Variants in RBFOX1 observed in about 807,000 individuals in gnomAD.
RBFOX1 encodes RNA binding protein fox-1 homolog 1.
A neutral mutation model predicts 57.7 loss-of-function variants in RBFOX1; 8 were observed. The observed-to-expected ratio is 0.14, with a 90% CI of 0.08 to 0.25. The LOEUF (loss-of-function observed/expected upper bound fraction) is 0.25. RBFOX1 is among the 10% of genes least tolerant of loss of function. The pLI is 1.00. For synonymous variants in RBFOX1, 326 were observed against 222.4 expected (o/e 1.47, Z -4.15); for missense variants, 611 against 548.5 (o/e 1.11, Z -1.14).
chr16:7,651,265 G>A (rs773963660), intron 11 of RBFOX1, among the ~76,000 whole-genome samples: 88 of 152,220 alleles, frequency 5.8e-4, no homozygotes, highest in Non-Finnish European at 1.1e-3. Context: ...CACTTTGGTC[G>A]GGTTCGGGGG....
At chr16:6,228,483 A>C (rs1433516564) in intron 1 of RBFOX1, among the ~76,000 whole-genome samples, 2 of 152,132 alleles carry the variant, frequency 1.3e-5, no homozygotes, top group African/African-American at 4.8e-5. Context: ...TTCAGCCTTC[A>C]AAAAAGAAGG....
intron 2 of RBFOX1, among the ~76,000 whole-genome samples, chr16:6,559,472 T>G (rs1420129599): frequency 6.6e-6 from 1 of 152,116 alleles, no homozygotes; most frequent in Non-Finnish European, 1.5e-5. Flanking sequence ...GAGAAGAGTT[T>G]ATCCTGAACT....
At chr16:7,567,093 C>A (rs56070816) in intron 5 of RBFOX1, among the ~76,000 whole-genome samples, 29,236 of 142,872 alleles carry the variant, frequency 0.2, 2,489 homozygotes, top group South Asian at 0.31. Flanking sequence ...ATATATATAT[C>A]TCCCTATATA....
intron 4 of RBFOX1, among the ~76,000 whole-genome samples, chr16:7,111,301 A>G (rs755202627): frequency 6.6e-6 from 1 of 152,228 alleles, no homozygotes; most frequent in African/African-American, 2.4e-5. Context: ...TAGCTAATCA[A>G]TGAAGATTAA....
chr16:7,304,397 C>G, intron 4 of RBFOX1: 1 of 985,432 alleles, frequency 1.0e-6, no homozygotes, highest in Non-Finnish European at 1.2e-6. Context: ...ATGCAGCATC[C>G]TCTGACGGGG....
chr16:7,677,526 T>C (rs9930424), intron 14 of RBFOX1, among the ~76,000 whole-genome samples: 147,272 of 152,186 alleles, frequency 0.97, 71,456 homozygotes, highest in East Asian at 1. Flanking sequence ...GGGGGTGGGG[T>C]GGAAATCAGG....
intron 3 of RBFOX1, among the ~76,000 whole-genome samples, chr16:6,844,242 G>C (rs2093642342): frequency 6.6e-6 from 1 of 151,846 alleles, no homozygotes; most frequent in Admixed American, 6.6e-5. Context: ...AGGATGTACA[G>C]ATTTGTTACA....
intron 4 of RBFOX1, among the ~76,000 whole-genome samples, chr16:7,399,314 G>A (rs2098197124): frequency 6.6e-6 from 1 of 151,998 alleles, no homozygotes; most frequent in Non-Finnish European, 1.5e-5. Context: ...AAGTGCGATG[G>A]CGCATGCCTG....
intron 4 of RBFOX1, among the ~76,000 whole-genome samples, chr16:7,156,259 T>C (rs2077105344): frequency 7.0e-6 from 1 of 142,460 alleles, no homozygotes; most frequent in African/African-American, 2.8e-5. Flanking sequence ...TATACATATG[T>C]ATGTGTACAT....
At position 7,052,214 on chromosome 16, in the gene RBFOX1, G is replaced by A. The variant is rs989972079; in HGVS notation, c.27+116G>A. On this transcript the variant is annotated intron_variant, in intron 4 of 15. Coordinates refer to ENST00000550418, the MANE Select transcript of RBFOX1 (RefSeq NM_018723.4). ...AATAACAGGCTTCATCTTAAGACTG[G>A]TAGAGTTGAAAATATTTATCCCAGC... The A allele has an allele frequency of 3.0e-5, 42 of 1,420,514 alleles. No homozygotes were observed. The African/African-American group carries it at 5.0e-4, about 17-fold the overall frequency. 88.0% of individuals were successfully genotyped at this position (1,420,514 alleles called of 1,614,324 possible).
chr16:6,647,164 T>A (rs1280768164), intron 2 of RBFOX1, among the ~76,000 whole-genome samples: 4 of 152,310 alleles, frequency 2.6e-5, no homozygotes, highest in African/African-American at 4.8e-5. Context: ...ATTCCTGGGC[T>A]TACGCTACCA....
intron 12 of RBFOX1, among the ~76,000 whole-genome samples, chr16:7,656,166 C>A (rs1429244205): frequency 6.6e-6 from 1 of 152,152 alleles, no homozygotes; most frequent in African/African-American, 2.4e-5. Flanking sequence ...GAAGCAGGAG[C>A]CCCAGCAGGA....
intron 3 of RBFOX1, among the ~76,000 whole-genome samples, chr16:6,762,614 C>G (rs987278175): frequency 9.2e-5 from 14 of 152,094 alleles, no homozygotes; most frequent in Admixed American, 2.6e-4. Context: ...AAAGGAACAG[C>G]AAAAGTCATT....
At chr16:7,285,075 CT>C (rs58959488) in intron 4 of RBFOX1, among the ~76,000 whole-genome samples, 1,153 of 42,678 alleles carry the variant, frequency 0.027, 12 homozygotes, top group African/African-American at 0.076. Flanking sequence ...AGATTCCTTA[CT>C]TTTTTTTTTT....
At position 5,555,209 on chromosome 16, in the gene RBFOX1, T is replaced by A. The variant is rs112453851; in HGVS notation, c.259-43693T>A. 6.6e-5 allele frequency among the ~76,000 whole-genome samples: 10 copies of A among 152,218 alleles called. 2 individuals carry two copies. In the Middle Eastern group the frequency reaches 0.024, roughly 362 times the overall value. On this transcript the variant is annotated intron_variant, in intron 2 of 2. Coordinates refer to the RBFOX1 transcript ENST00000585867. ...CAGTGGATAGAATGGAACTATTAGG[T>A]TGGTGCAAAAGTAATTGCGGTTTTT... is the stretch of plus-strand genomic sequence containing the variant.
intron 10 of RBFOX1, among the ~76,000 whole-genome samples, chr16:7,615,629 AGATTAGT>A (rs1280223290): frequency 2.0e-5 from 3 of 152,152 alleles, no homozygotes; most frequent in African/African-American, 7.2e-5. Context: ...CCCAAGTCCT[AGATTAGT>A]GATTCTTAAT....
chr16:5,295,865 C>G (rs984619747), intron 1 of RBFOX1, among the ~76,000 whole-genome samples: 9 of 152,156 alleles, frequency 5.9e-5, no homozygotes, highest in Non-Finnish European at 1.2e-4. Context: ...ATAGTTTTCT[C>G]TACATAGAAT....
At chr16:5,557,478 C>T (rs142596946) in intron 2 of RBFOX1, among the ~76,000 whole-genome samples, 9 of 151,844 alleles carry the variant, frequency 5.9e-5, no homozygotes, top group South Asian at 2.1e-4. Flanking sequence ...CATAATATGA[C>T]GAAACAGGTG....
At chr16:5,876,322 C>G (rs1458913193) in intron 4 of RBFOX1, among the ~76,000 whole-genome samples, 2 of 152,016 alleles carry the variant, frequency 1.3e-5, no homozygotes, top group African/African-American at 4.8e-5. Context: ...GAAGTACATC[C>G]TATCATTTTT....
Sources: gnomAD v4.1 joint callset for allele counts (sites outside exome capture counted in the v4.1 genomes callset) on GRCh38, gnomAD v4.1.1 for gene constraint, MANE v1.5 for transcripts, NCBI Gene and HGNC (gene_info 2026-07-23, HGNC 2026-07-21) for gene names.